Variants in LMBR1 observed in about 807,000 individuals in gnomAD.
LMBR1 encodes the protein limb region 1 protein homolog.
Under a neutral mutation model 73.9 loss-of-function variants are expected in LMBR1, and 52 were observed. That is an observed-to-expected ratio of 0.70 (90% CI 0.56 to 0.89). The LOEUF is 0.89. Ranked by LOEUF, LMBR1 falls within the 40% of genes least tolerant of loss-of-function variation. The pLI, the probability that LMBR1 is intolerant of heterozygous loss-of-function variation, is 0.00. For synonymous variants in LMBR1, 215 were observed against 209.4 expected, an observed-to-expected ratio of 1.03 and a Z score of -0.23; for missense variants, 539 against 579.8, an observed-to-expected ratio of 0.93 and a Z score of 0.72.
At chr7:156,838,432 T>C (rs1838052604) in intron 1 of LMBR1, among the ~76,000 whole-genome samples, 1 of 152,194 alleles carries the variant, frequency 6.6e-6, no homozygotes. Context: ...GTTCAACATT[T>C]TTAAATTTCA....
At chr7:156,740,080 T>C (rs1413383712) in intron 9 of LMBR1, among the ~76,000 whole-genome samples, 2 of 151,956 alleles carry the variant, frequency 1.3e-5, no homozygotes, top group Non-Finnish European at 2.9e-5. Flanking sequence ...CAAGCAGAAA[T>C]TGTAGAGTTG....
intron 15 of LMBR1, among the ~76,000 whole-genome samples, chr7:156,710,365 A>G (rs1158573495): frequency 1.3e-5 from 2 of 152,240 alleles, no homozygotes; most frequent in African/African-American, 2.4e-5. Flanking sequence ...AAACACACTT[A>G]GAGAAATACC....
intron 1 of LMBR1, among the ~76,000 whole-genome samples, chr7:156,879,890 A>G (rs535874393): frequency 6.6e-6 from 1 of 152,308 alleles, no homozygotes; most frequent in South Asian, 2.1e-4. Flanking sequence ...GAACACTTCT[A>G]CACTGCTGGT....
intron 15 of LMBR1, among the ~76,000 whole-genome samples, chr7:156,691,115 A>G (rs1219510496): frequency 6.6e-6 from 1 of 152,218 alleles, no homozygotes; most frequent in East Asian, 1.9e-4. Context: ...TAATACTACT[A>G]TTAAAAGCAA....
rs1325969180 is a variant in LMBR1, at chr7:156,892,777, AGGGGTG to A, written c.66+145_66+150del. The A allele has an allele frequency of 2.1e-5, 6 of 288,026 alleles. No homozygotes were observed. In the African/African-American group the frequency reaches 2.5e-4, roughly 12 times the overall value. 17.8% of individuals were successfully genotyped at this position (288,026 alleles called of 1,614,324 possible). On this transcript the variant is annotated intron_variant, in intron 1 of 16. Coordinates refer to ENST00000353442, the MANE Select transcript of LMBR1 (RefSeq NM_022458.4). Reference sequence around the variant, plus strand: ...AGGGAAGGGGAGGGGAGGGGAGAGGAGGGGTGGGGAGGGAGAGCGGCAGAGGCCGGG... The same window carrying A: ...AGGGAAGGGGAGGGGAGGGGAGAGGAGGGAGGGAGAGCGGCAGAGGCCGGG...
In LMBR1 at chr7:156,893,139, G is replaced by T. The variant is rs751044177; in HGVS notation, c.-146C>A. ...GTGTTGGAACAGGTACCGCGACCACGACACCGGCCGTCGCCTCAGCAGCCT... is the reference window on the plus strand; with the variant it reads ...GTGTTGGAACAGGTACCGCGACCACTACACCGGCCGTCGCCTCAGCAGCCT... On this transcript the variant is annotated 5_prime_UTR_variant, in exon 1 of 17. Coordinates refer to ENST00000353442, the MANE Select transcript of LMBR1 (RefSeq NM_022458.4). 1 of 708,832 alleles carries T rather than the reference G, an allele frequency of 1.4e-6. No homozygotes were observed. Among genetic ancestry groups the T allele is most frequent in the South Asian group, 3.9e-5 (1 of 25,838 alleles). 43.9% of individuals were successfully genotyped at this position (708,832 alleles called of 1,614,324 possible).
In LMBR1 at chr7:156,684,132, T is replaced by C; in HGVS notation, c.1419A>G (p.Ser473=). 1 of 1,613,908 alleles carries C rather than the reference T, an allele frequency of 6.2e-7. No homozygotes were observed. The highest frequency in any genetic ancestry group is 8.5e-7 in the Non-Finnish European group (1 of 1,179,936). The stretch of plus-strand genomic sequence containing the variant: ...AAGGCTTGGCTGTTTCTGAATCCCT[T>C]GAAGTATTTGGTAAGTGAAGTTTAT... ...GLHKLHLPNT[S]RDSETAKPSV... is the part of the protein sequence containing the mutation. The change falls in exon 17 of 17, where the codon TCA becomes TCG. Residue 473 remains serine, a synonymous_variant. Transcript: ENST00000353442.
chr7:156,890,863 T>A (rs968058459), intron 1 of LMBR1, among the ~76,000 whole-genome samples: 2 of 151,994 alleles, frequency 1.3e-5, no homozygotes, highest in African/African-American at 4.8e-5. Context: ...CCAACAGAAA[T>A]GCACAAACAT....
At chr7:156,779,719 G>C (rs1433496836) in intron 5 of LMBR1, 1 of 1,284,334 alleles carries the variant, frequency 7.8e-7, no homozygotes, top group Admixed American at 2.3e-5. Context: ...GTTTTGCCTG[G>C]ACATCTTGCC....
At chr7:156,848,819 T>A (rs1051996896) in intron 1 of LMBR1, among the ~76,000 whole-genome samples, 1 of 150,840 alleles carries the variant, frequency 6.6e-6, no homozygotes, top group Non-Finnish European at 1.5e-5. Flanking sequence ...TGGTCCCAGC[T>A]ACTAGGGAAG....
intron 1 of LMBR1, among the ~76,000 whole-genome samples, chr7:156,866,987 CTTTG>C (rs201551613): frequency 0.02 from 3,090 of 152,278 alleles, 45 homozygotes; most frequent in Middle Eastern, 0.051. Context: ...CCCGGTTCCA[CTTTG>C]TTTGGGTCGG....
intron 11 of LMBR1, 71 bp downstream of exon 11, chr7:156,728,573 C>T: frequency 9.8e-7 from 1 of 1,025,632 alleles, no homozygotes; most frequent in South Asian, 1.5e-5. Flanking sequence ...GCTGAGGGAG[C>T]TGCCATACTC....
At chr7:156,793,650 T>C (rs1253818974) in intron 5 of LMBR1, among the ~76,000 whole-genome samples, 1 of 152,196 alleles carries the variant, frequency 6.6e-6, no homozygotes, top group Admixed American at 6.5e-5. Context: ...TTATAGAATA[T>C]TTAGTGATAA....
rs573114749 is a variant in LMBR1, at chr7:156,803,021, C to A, written c.320-6529G>T. Reference sequence around the variant, plus strand: ...TAATTCAAGATGGATTAAAGACTTACATGTTAGACCTAAAACCATAAAAAC... The same window carrying A: ...TAATTCAAGATGGATTAAAGACTTAAATGTTAGACCTAAAACCATAAAAAC... On this transcript the variant is annotated intron_variant, in intron 4 of 16. Coordinates refer to ENST00000353442, the MANE Select transcript of LMBR1 (RefSeq NM_022458.4). 4.4e-3 allele frequency among the ~76,000 whole-genome samples: 674 copies of A among 152,270 alleles called. 5 individuals are homozygous for A. Among genetic ancestry groups the A allele is most frequent in the Non-Finnish European group, 6.3e-3 (426 of 68,018 alleles).
rs1563237966 is a variant in LMBR1 at position 156,734,176 on chromosome 7, C to T, written c.838+1G>A. 1 of 1,586,982 alleles carries T rather than the reference C, an allele frequency of 6.3e-7. No homozygotes were observed. The highest frequency in any genetic ancestry group is 1.1e-5 in the South Asian group (1 of 87,080). On this transcript the variant is annotated splice_donor_variant, in intron 10 of 16. Transcript: ENST00000353442. LOFTEE classifies it high-confidence loss of function. Reference sequence around the variant, plus strand: ...AAGTCAAGAAAAAAAAAGTACAATACCTAATTTTGTCTTAAGAGTCTTTAC... The same window carrying T: ...AAGTCAAGAAAAAAAAAGTACAATATCTAATTTTGTCTTAAGAGTCTTTAC...
chr7:156,690,647 G>C (rs1806985954), intron 15 of LMBR1, among the ~76,000 whole-genome samples: 1 of 152,174 alleles, frequency 6.6e-6, no homozygotes, highest in Non-Finnish European at 1.5e-5. Flanking sequence ...TTGGTTTTCA[G>C]GCTATTTCAG....
intron 5 of LMBR1, among the ~76,000 whole-genome samples, chr7:156,783,230 G>A (rs1336554710): frequency 6.6e-6 from 1 of 152,100 alleles, no homozygotes; most frequent in Non-Finnish European, 1.5e-5. Context: ...GAAGTGCAGT[G>A]GTACAATCAT....
intron 1 of LMBR1, among the ~76,000 whole-genome samples, chr7:156,880,076 T>C (rs185275446): frequency 7.2e-5 from 11 of 152,344 alleles, no homozygotes; most frequent in Admixed American, 2.0e-4. Context: ...CAATGTGCAG[T>C]TGCAAAAATG....
intron 1 of LMBR1, among the ~76,000 whole-genome samples, chr7:156,845,129 T>A (rs377228493): frequency 2.0e-5 from 3 of 152,166 alleles, no homozygotes; most frequent in African/African-American, 7.2e-5. Flanking sequence ...GATATACCAA[T>A]TGCCCTGATT....
Sources: allele counts gnomAD v4.1 joint callset (sites outside exome capture counted in the v4.1 genomes callset), GRCh38; gene constraint gnomAD v4.1.1; transcripts MANE v1.5; gene names NCBI Gene and HGNC (gene_info 2026-07-23, HGNC 2026-07-21).